PLCE1: variants seen among roughly 807,000 people sequenced by gnomAD.
The protein encoded by PLCE1 is 1-phosphatidylinositol 4,5-bisphosphate phosphodiesterase epsilon-1.
Under a neutral mutation model 242.8 loss-of-function variants are expected in PLCE1, and 119 were observed. The ratio of observed to expected loss-of-function variants is 0.49; its 90% CI spans 0.42 to 0.57. The LOEUF is 0.57. Ranked by LOEUF, PLCE1 falls within the 20% of genes least tolerant of loss-of-function variation. The pLI, the probability that PLCE1 is intolerant of heterozygous loss-of-function variation, is 0.00. For missense variants in PLCE1, 2,441 were observed against 2,788.8 expected (o/e 0.88, Z 2.81); for synonymous variants, 945 against 1,017.4 (o/e 0.93, Z 1.35).
At chr10:94,079,037 C>T (rs1564668396) in intron 2 of PLCE1, among the ~76,000 whole-genome samples, 1 of 152,044 alleles carries the variant, frequency 6.6e-6, no homozygotes, top group South Asian at 2.1e-4. Context: ...ATTCACTTTC[C>T]CCAATGTGGA....
At chr10:94,050,941 A>C (rs1273069803) in intron 2 of PLCE1, among the ~76,000 whole-genome samples, 1 of 152,142 alleles carries the variant, frequency 6.6e-6, no homozygotes, top group Non-Finnish European at 1.5e-5. Context: ...GAAAATGATC[A>C]AGGTTGTTGA....
chr10:93,996,022 G>A (rs918219451), intron 1 of PLCE1, among the ~76,000 whole-genome samples: 2 of 152,232 alleles, frequency 1.3e-5, no homozygotes, highest in African/African-American at 2.4e-5. Flanking sequence ...AAAATACTGT[G>A]CATGGTGGAA....
At position 94,254,821 on chromosome 10, in the gene PLCE1, C is replaced by A. The variant is rs79112146; in HGVS notation, c.3398-72C>A. On this transcript the variant is annotated intron_variant, in intron 10 of 32. Coordinates refer to ENST00000371380, the MANE Select transcript of PLCE1 (RefSeq NM_016341.4). ...TTTGCTCAGACATCCAGAAGCCTCT[C>A]TGGTTTGTATTTGGTTCTGAGGGAA... 29,050 of 1,544,636 alleles carry A rather than the reference C, an allele frequency of 0.019. 362 individuals are homozygous for A. The highest frequency in any genetic ancestry group is 0.024 in the Non-Finnish European group (26,367 of 1,116,924).
intron 27 of PLCE1, 47 bp downstream of exon 27, chr10:94,308,746 C>A: frequency 7.8e-7 from 1 of 1,277,134 alleles, no homozygotes; most frequent in Non-Finnish European, 1.1e-6. Flanking sequence ...GATTGCTACA[C>A]TGAAGGTGGG....
intron 3 of PLCE1, among the ~76,000 whole-genome samples, chr10:94,153,900 C>G (rs1198861868): frequency 6.6e-6 from 1 of 152,134 alleles, no homozygotes; most frequent in Non-Finnish European, 1.5e-5. Flanking sequence ...GAAAGACATC[C>G]TGTATTCATG....
chr10:94,284,129 A>G (rs2133326912), intron 21 of PLCE1, among the ~76,000 whole-genome samples: 1 of 152,230 alleles, frequency 6.6e-6, no homozygotes, highest in East Asian at 1.9e-4. Flanking sequence ...CTAATGGTGT[A>G]TGTGTGGCAG....
chr10:94,189,636 G>T (rs557481386), intron 4 of PLCE1, among the ~76,000 whole-genome samples: 5 of 152,252 alleles, frequency 3.3e-5, no homozygotes, highest in African/African-American at 1.2e-4. Context: ...AGATGACAAG[G>T]GGCCTGATTT....
intron 1 of PLCE1, among the ~76,000 whole-genome samples, chr10:93,997,483 G>A (rs541040502): frequency 2.0e-5 from 3 of 152,236 alleles, no homozygotes; most frequent in Non-Finnish European, 4.4e-5. Flanking sequence ...CTGAAGCAAC[G>A]AAAGGTCAAG....
chr10:94,252,278 A>T, intron 8 of PLCE1, 38 bp from the exon 9 acceptor site: 5 of 1,591,202 alleles, frequency 3.1e-6, no homozygotes, highest in Non-Finnish European at 4.3e-6. Flanking sequence ...CCATTGCTTG[A>T]TGCTTCCTAT....
chr10:94,254,850 A>C (rs191083836), intron 10 of PLCE1, 43 bp from the exon 11 acceptor site: 6 of 1,606,918 alleles, frequency 3.7e-6, no homozygotes, highest in Non-Finnish European at 5.1e-6. Context: ...GAGGGAAAGT[A>C]TAATCTGAGT....
At chr10:94,170,818 C>G (rs907747821) in intron 3 of PLCE1, among the ~76,000 whole-genome samples, 1 of 152,186 alleles carries the variant, frequency 6.6e-6, no homozygotes, top group Non-Finnish European at 1.5e-5. Context: ...TATACCTACC[C>G]TCATTTCATG....
At chr10:94,077,030 G>C (rs2044523644) in intron 2 of PLCE1, among the ~76,000 whole-genome samples, 1 of 152,140 alleles carries the variant, frequency 6.6e-6, no homozygotes, top group African/African-American at 2.4e-5. Flanking sequence ...ACTGTTTTTT[G>C]CATACCTATC....
chr10:94,256,371 A>AAAAG (rs2051102872), intron 11 of PLCE1, among the ~76,000 whole-genome samples: 1 of 117,640 alleles, frequency 8.5e-6, no homozygotes, highest in South Asian at 2.9e-4. Flanking sequence ...AAAGAAACAG[A>AAAAG]AAATAGAAAG....
intron 4 of PLCE1, among the ~76,000 whole-genome samples, chr10:94,188,618 C>G (rs535388587): frequency 1.3e-5 from 2 of 152,178 alleles, no homozygotes; most frequent in South Asian, 4.2e-4. Flanking sequence ...TTTTGTTTTG[C>G]TTTTTAGATG....
chr10:94,124,881 G>C (rs2046395586), intron 2 of PLCE1, among the ~76,000 whole-genome samples: 1 of 152,158 alleles, frequency 6.6e-6, no homozygotes, highest in African/African-American at 2.4e-5. Flanking sequence ...GGCCAAGTTT[G>C]GTTACTAGCA....
chr10:94,227,538 T>C, intron 5 of PLCE1, 87 bp downstream of exon 5: 1 of 1,230,658 alleles, frequency 8.1e-7, no homozygotes, highest in Non-Finnish European at 1.2e-6. Flanking sequence ...GGGACTCACC[T>C]TTACCCAAGC....
intron 2 of PLCE1, chr10:94,096,913 C>T (rs1345852827): frequency 5.3e-5 from 8 of 152,194 alleles, no homozygotes; most frequent in Admixed American, 2.6e-4. Context: ...GTCTGACTTC[C>T]TCATGAGGCT....
At chr10:94,322,135 G>A (rs2053831890) in intron 30 of PLCE1, 76 bp downstream of exon 30, 1 of 1,373,068 alleles carries the variant, frequency 7.3e-7, no homozygotes, top group Non-Finnish European at 1.0e-6. Context: ...TGCACTGATG[G>A]CTCATTTTAT....
intron 1 of PLCE1, among the ~76,000 whole-genome samples, chr10:93,998,993 A>G (rs2060881044): frequency 6.6e-6 from 1 of 152,174 alleles, no homozygotes; most frequent in African/African-American, 2.4e-5. Context: ...GTTCTTTCCT[A>G]GAGCCTCCAG....
Sources: allele counts gnomAD v4.1 joint callset (sites outside exome capture counted in the v4.1 genomes callset), GRCh38; gene constraint gnomAD v4.1.1; transcripts MANE v1.5; gene names NCBI Gene and HGNC (gene_info 2026-07-23, HGNC 2026-07-21).